Variants in TLL1 observed in about 807,000 individuals in gnomAD.
TLL1 encodes the protein tolloid like 1, also known as tolloid-like protein 1.
In TLL1, 49 loss-of-function variants were observed where a neutral mutation model predicts 128.2. That is an observed-to-expected ratio of 0.38 (90% CI 0.30 to 0.48). The LOEUF is 0.48. Among genes scored for constraint, TLL1 ranks in the 20% least tolerant of loss-of-function variants. The pLI is 0.96. For synonymous variants in TLL1, 454 were observed against 418.8 expected (o/e 1.08, Z -1.03); for missense variants, 1,123 against 1,242.0 (o/e 0.90, Z 1.44).
intron 1 of TLL1, among the ~76,000 whole-genome samples, chr4:165,900,837 A>G (rs1481531187): frequency 3.3e-5 from 5 of 151,956 alleles, no homozygotes; most frequent in Admixed American, 1.3e-4. Context: ...GTGTTTTCCA[A>G]CTTGGTTCCA....
chr4:166,100,991 T>C lies in TLL1; in HGVS notation c.*115T>C, dbSNP rs1246676362. ...TTATACAAAGAGTTTGAACAAAAAA[T>C]CCCTGTAAGACCAGAATTATCTTTG... On this transcript the variant is annotated 3_prime_UTR_variant, in exon 21 of 21. Transcript: ENST00000061240. 7.5e-7 allele frequency: 1 copy of C among 1,336,534 alleles called. No homozygotes were observed. Among genetic ancestry groups the C allele is most frequent in the East Asian group, 2.5e-5 (1 of 39,548 alleles). The allele number at this position is 1,336,534 out of a possible 1,614,324, so 82.8% of individuals were successfully genotyped here.
At chr4:165,940,246 A>G (rs1223656747) in intron 1 of TLL1, among the ~76,000 whole-genome samples, 3 of 151,978 alleles carry the variant, frequency 2.0e-5, no homozygotes, top group Non-Finnish European at 4.4e-5. Context: ...ACTATAATTT[A>G]TGTATTTAAT....
At chr4:165,995,340 T>G (rs945443952) in intron 5 of TLL1, among the ~76,000 whole-genome samples, 162 bp downstream of exon 5, 1 of 152,236 alleles carries the variant, frequency 6.6e-6, no homozygotes, top group African/African-American at 2.4e-5. Flanking sequence ...GTATGTGTAT[T>G]CTTTGATCAC....
intron 9 of TLL1, among the ~76,000 whole-genome samples, chr4:166,037,179 T>C (rs1739044246): frequency 6.6e-6 from 1 of 152,182 alleles, no homozygotes; most frequent in Non-Finnish European, 1.5e-5. Context: ...GTATTCTCCA[T>C]GTGGAGCAGA....
At chr4:166,042,917 A>G (rs1739303056) in intron 11 of TLL1, among the ~76,000 whole-genome samples, 1 of 152,162 alleles carries the variant, frequency 6.6e-6, no homozygotes, top group East Asian at 1.9e-4. Flanking sequence ...CTGATGAGCT[A>G]TTTTACCTGT....
Position 165,873,612 on chromosome 4 carries a change from C to G in TLL1, c.-293C>G. 1 of 255,704 alleles carries G rather than the reference C, an allele frequency of 3.9e-6. No individual in the cohort carries two copies. 15.8% of individuals were successfully genotyped at this position (255,704 alleles called of 1,614,324 possible). On this transcript the variant is annotated 5_prime_UTR_variant, in exon 1 of 21. Transcript: ENST00000061240. ...GCTGCGAGCGCCAGCGCCGCCAGAG[C>G]CGAGTTTGCCTGCGCCCTCCCCGCC...
At chr4:165,957,581 T>C (rs981028609) in intron 1 of TLL1, among the ~76,000 whole-genome samples, 11 of 152,096 alleles carry the variant, frequency 7.2e-5, no homozygotes, top group African/African-American at 2.2e-4. Context: ...TTAGTAGAGA[T>C]TGATGAGATT....
chr4:166,077,372 A>G (rs1212609804), intron 17 of TLL1, among the ~76,000 whole-genome samples: 3 of 152,146 alleles, frequency 2.0e-5, no homozygotes, highest in African/African-American at 7.2e-5. Flanking sequence ...ATTAGGGCTA[A>G]TTTATTTTAG....
chr4:165,956,626 G>T (rs563492016), intron 1 of TLL1, among the ~76,000 whole-genome samples: 9 of 151,516 alleles, frequency 5.9e-5, no homozygotes, highest in African/African-American at 2.2e-4. Context: ...CTTTTTCAAG[G>T]TGCACTGATT....
At chr4:166,080,087 T>C (rs1741217674) in intron 18 of TLL1, among the ~76,000 whole-genome samples, 1 of 152,138 alleles carries the variant, frequency 6.6e-6, no homozygotes, top group African/African-American at 2.4e-5. Flanking sequence ...TATTTTCTCA[T>C]AGTTCTGGAG....
At chr4:165,935,143 C>A (rs1162233796) in intron 1 of TLL1, among the ~76,000 whole-genome samples, 1 of 152,094 alleles carries the variant, frequency 6.6e-6, no homozygotes, top group Non-Finnish European at 1.5e-5. Flanking sequence ...GATGGAAAAT[C>A]AGAAAGGCTA....
intron 10 of TLL1, among the ~76,000 whole-genome samples, chr4:166,041,447 C>T (rs1397050194): frequency 6.6e-6 from 1 of 151,848 alleles, no homozygotes; most frequent in African/African-American, 2.4e-5. Flanking sequence ...ACTATAGGCA[C>T]GTGCCACTAC....
rs114325224 is a variant in TLL1 at position 165,920,355 on chromosome 4, G to T, written c.169+46282G>T. On this transcript the variant is annotated intron_variant, in intron 1 of 20. Transcript: ENST00000061240. ...TAACTTTGAGAATAGTTTTAATTTT[G>T]CTAGAGTTAGAGAATTGTTGTTGAG... is the stretch of plus-strand genomic sequence containing the variant. 3.1e-3 allele frequency among the ~76,000 whole-genome samples: 466 copies of T among 152,298 alleles called. 1 individual carries two copies. Among genetic ancestry groups the T allele is most frequent in the African/African-American group, 0.011 (448 of 41,574 alleles).
chr4:165,873,872 TC>T lies in TLL1; in HGVS notation c.-30del. On this transcript the variant is annotated 5_prime_UTR_variant, in exon 1 of 21. Transcript: ENST00000061240. ...GGACCGCGGCTGCCTAACCTCTGGG[TC>T]CCGTCCCCTCCTTTTCCTCCGGGGG... 1 of 1,612,304 alleles carries T rather than the reference TC, an allele frequency of 6.2e-7. No homozygotes were observed. The highest frequency in any genetic ancestry group is 8.5e-7 in the Non-Finnish European group (1 of 1,179,830).
intron 1 of TLL1, among the ~76,000 whole-genome samples, chr4:165,945,317 G>C (rs1292378488): frequency 6.6e-6 from 1 of 152,138 alleles, no homozygotes; most frequent in Non-Finnish European, 1.5e-5. Flanking sequence ...ACATTTATCT[G>C]AATGATTAGC....
At chr4:165,907,767 C>T (rs1206717931) in intron 1 of TLL1, among the ~76,000 whole-genome samples, 7 of 152,106 alleles carry the variant, frequency 4.6e-5, no homozygotes, top group African/African-American at 1.2e-4. Context: ...AGGCCAGTCT[C>T]GAACTCCTGA....
At position 166,074,889 on chromosome 4, in the gene TLL1, T is replaced by C; in HGVS notation, c.2200T>C (p.Cys734Arg). 1 of 1,613,504 alleles carries C rather than the reference T, an allele frequency of 6.2e-7. No homozygotes were observed. Among genetic ancestry groups the C allele is most frequent in the African/African-American group, 1.3e-5 (1 of 75,032 alleles). The part of the protein sequence containing the change: ...KAHFFSDKDE[C>R]SKDNGGCQHE... ...GATCTCTTTGCTAGACAAAGATGAA[T>C]GCTCTAAGGATAATGGTGGATGTCA... is the stretch of plus-strand genomic sequence containing the variant. Residue 734 changes from cysteine (C) to arginine (R), a missense_variant, in exon 17 of 21, where the codon TGC becomes CGC. Physicochemically the swap from Cys to Arg is radical, Grantham distance 180 (BLOSUM62 -3). Coordinates refer to ENST00000061240, the MANE Select transcript of TLL1 (RefSeq NM_012464.5).
intron 1 of TLL1, among the ~76,000 whole-genome samples, chr4:165,915,621 T>TA (rs2110879613): frequency 6.6e-6 from 1 of 152,322 alleles, no homozygotes; most frequent in African/African-American, 2.4e-5. Flanking sequence ...TGCCTAAAGT[T>TA]ACATGTGAGG....
chr4:165,985,153 A>G (rs1228896340), intron 1 of TLL1, among the ~76,000 whole-genome samples: 1 of 152,040 alleles, frequency 6.6e-6, no homozygotes, highest in African/African-American at 2.4e-5. Context: ...TAGTCGAGGA[A>G]GCCGGCTGAA....
Sources: allele counts gnomAD v4.1 joint callset (sites outside exome capture counted in the v4.1 genomes callset), GRCh38; gene constraint gnomAD v4.1.1; transcripts MANE v1.5; gene names NCBI Gene and HGNC (gene_info 2026-07-23, HGNC 2026-07-21).